WRN: variants seen among roughly 807,000 people sequenced by gnomAD.
The protein encoded by WRN is WRN RecQ like helicase.
Under a neutral mutation model 180.7 loss-of-function variants are expected in WRN, and 149 were observed. The observed-to-expected ratio is 0.82, with a 90% CI of 0.72 to 0.94. The LOEUF (loss-of-function observed/expected upper bound fraction) is 0.94, where lower values mean the gene tolerates loss of function less well. Ranked by LOEUF, WRN falls within the 40% of genes least tolerant of loss-of-function variation. WRN has a pLI of 0.00. For missense variants in WRN, 1,661 were observed against 1,700.1 expected, an observed-to-expected ratio of 0.98 and a Z score of 0.40; for synonymous variants, 548 against 568.9, an observed-to-expected ratio of 0.96 and a Z score of 0.52.
Position 31,111,692 on chromosome 8 carries a change from T to A in WRN, c.2166T>A (p.Asn722Lys). ...TTGTACGTTGCTTAAATCTGAGAAA[T>A]CCTCAGATCACCTGTACTGGTTTTG... Reference protein sequence around the residue: ...EDIVRCLNLRNPQITCTGFDR... With the variant: ...EDIVRCLNLRKPQITCTGFDR... The change falls in exon 19 of 35, where the codon AAT (asparagine) becomes AAA (lysine). Residue 722 changes from asparagine to lysine, a missense_variant. Asn to Lys is a moderately conservative substitution (Grantham distance 94, BLOSUM62 0). Coordinates refer to ENST00000298139, the MANE Select transcript of WRN (RefSeq NM_000553.6). 6.2e-7 allele frequency: 1 copy of A among 1,614,080 alleles called. No homozygotes were observed. Among genetic ancestry groups the A allele is most frequent in the Non-Finnish European group, 8.5e-7 (1 of 1,179,990 alleles).
intron 34 of WRN, among the ~76,000 whole-genome samples, chr8:31,170,482 C>T (rs1804061397): frequency 6.6e-6 from 1 of 152,126 alleles, no homozygotes; most frequent in Non-Finnish European, 1.5e-5. Context: ...AAATAGTTTT[C>T]ATGACAAATG....
chr8:31,121,393 A>G (rs867898079), intron 21 of WRN, among the ~76,000 whole-genome samples: 1 of 151,948 alleles, frequency 6.6e-6, no homozygotes, highest in African/African-American at 2.4e-5. Flanking sequence ...GAACTATGCT[A>G]TGTGTGGGAG....
At position 31,124,505 on chromosome 8, in the gene WRN, AT is replaced by A; in HGVS notation, c.2631-16del. On this transcript the variant is annotated splice_polypyrimidine_tract_variant and intron_variant, in intron 21 of 34. Coordinates refer to ENST00000298139, the MANE Select transcript of WRN (RefSeq NM_000553.6). Reference sequence around the variant, plus strand: ...CAATACAGTTTTACATATTCCTGTGATGTTTTTAATCGACAGGCACCTTCTT... The same window carrying A: ...CAATACAGTTTTACATATTCCTGTGAGTTTTTAATCGACAGGCACCTTCTT... 6.3e-7 allele frequency: 1 copy of A among 1,577,788 alleles called. No individual in the cohort carries two copies. Among genetic ancestry groups the A allele is most frequent in the South Asian group, 1.1e-5 (1 of 90,180 alleles).
At position 31,067,042 on chromosome 8, in the gene WRN, A is replaced by C. The variant is rs367991517; in HGVS notation, c.514A>C (p.Thr172Pro). The C allele has an allele frequency of 6.1e-5, 98 of 1,613,736 alleles. No homozygotes were observed. In the Middle Eastern group the frequency reaches 8.2e-4, roughly 14 times the overall value. ...TTTTCATCATTTCTAGCTGAAATGC[A>C]CAGAGACCTGGAGCCTTAACAGTCT... The part of the protein sequence containing the change: ...TDVANKKLKC[T>P]ETWSLNSLVK... The change falls in exon 6 of 35, where the codon ACA becomes CCA. Residue 172 changes from threonine (T) to proline (P), a missense_variant. Thr to Pro is a conservative substitution (Grantham distance 38, BLOSUM62 -1). Around this residue, in one of 3 missense-constraint regions of WRN, gnomAD observed 500 missense variants for 504.1 expected, o/e 0.99. Transcript: ENST00000298139.
chr8:31,102,208 C>T (rs993149021), intron 18 of WRN, among the ~76,000 whole-genome samples: 2 of 152,218 alleles, frequency 1.3e-5, no homozygotes, highest in African/African-American at 4.8e-5. Context: ...CTGTTCTTCC[C>T]ACCCCTGGCC....
chr8:31,096,135 A>G (rs1813966774), intron 16 of WRN, among the ~76,000 whole-genome samples: 1 of 152,236 alleles, frequency 6.6e-6, no homozygotes, highest in South Asian at 2.1e-4. Context: ...TCATAAAGGT[A>G]AAGGCATATC....
chr8:31,143,768 A>G, intron 28 of WRN, 145 bp downstream of exon 28: 1 of 593,046 alleles, frequency 1.7e-6, no homozygotes. Context: ...TAGAATGATC[A>G]AAGTGAGCTA....
intron 13 of WRN, among the ~76,000 whole-genome samples, chr8:31,089,608 A>G (rs906245594): frequency 2.6e-5 from 4 of 152,032 alleles, no homozygotes; most frequent in South Asian, 2.1e-4. Context: ...AAAAGTGCAC[A>G]TGTTGTAGAG....
At chr8:31,130,148 C>A (rs922199946) in intron 23 of WRN, among the ~76,000 whole-genome samples, 1 of 146,716 alleles carries the variant, frequency 6.8e-6, no homozygotes, top group Admixed American at 6.9e-5. Context: ...CATAACGAGA[C>A]CGCATCTCTA....
intron 15 of WRN, among the ~76,000 whole-genome samples, 153 bp from the exon 16 acceptor site, chr8:31,091,677 G>A (rs762153264): frequency 2.0e-5 from 3 of 152,018 alleles, no homozygotes. Flanking sequence ...GCCCTTGAAG[G>A]AATTTGCTTA....
intron 1 of WRN, among the ~76,000 whole-genome samples, chr8:31,047,769 C>T (rs549554129): frequency 3.9e-5 from 6 of 152,276 alleles, no homozygotes; most frequent in African/African-American, 7.2e-5. Context: ...TGCAATTTCC[C>T]GGTTTATAAT....
intron 19 of WRN, among the ~76,000 whole-genome samples, chr8:31,112,009 C>A (rs1801340028): frequency 6.6e-6 from 1 of 152,050 alleles, no homozygotes; most frequent in Non-Finnish European, 1.5e-5. Flanking sequence ...ACCAATTCTC[C>A]TAATATTTTA....
intron 23 of WRN, among the ~76,000 whole-genome samples, chr8:31,128,705 A>G (rs1169249005): frequency 1.3e-5 from 2 of 152,148 alleles, no homozygotes; most frequent in Non-Finnish European, 2.9e-5. Flanking sequence ...TAAAAATACA[A>G]AAAATTAGCC....
At chr8:31,037,994 A>G (rs1811513163) in intron 1 of WRN, among the ~76,000 whole-genome samples, 1 of 152,074 alleles carries the variant, frequency 6.6e-6, no homozygotes, top group Middle Eastern at 3.4e-3. Flanking sequence ...ATTTATTCAT[A>G]TGTTGATGGA....
intron 18 of WRN, among the ~76,000 whole-genome samples, chr8:31,104,313 G>T (rs1006056544): frequency 2.6e-5 from 4 of 152,156 alleles, no homozygotes; most frequent in Non-Finnish European, 5.9e-5. Flanking sequence ...CATGGCTAAT[G>T]ATGGTGAACG....
chr8:31,141,705 A>C lies in WRN; in HGVS notation c.3163A>C (p.Asn1055His), dbSNP rs770793076. 1.2e-6 allele frequency: 2 copies of C among 1,614,192 alleles called. No individual in the cohort carries two copies. The highest frequency in any genetic ancestry group is 1.7e-6 in the Non-Finnish European group (2 of 1,180,034). The change falls in exon 26 of 35, where the codon AAT becomes CAT. Residue 1055 changes from asparagine (N) to histidine (H), a missense_variant. By Grantham distance (68) the Asn-to-His change is moderately conservative. Around this residue, in one of 3 missense-constraint regions of WRN, gnomAD observed 1,141 missense variants for 1,149.4 expected, o/e 0.99. Transcript: ENST00000298139. ...KKGRNWLHKA[N>H]TESQSLILQA... ...GGGTAGAAATTGGCTTCATAAAGCT[A>C]ATACAGAATCTCAGAGCCTCATCCT...
intron 24 of WRN, among the ~76,000 whole-genome samples, chr8:31,140,022 T>G (rs1161727713): frequency 2.3e-5 from 3 of 128,106 alleles, no homozygotes; most frequent in Admixed American, 8.1e-5. Context: ...TTTTTTTTTT[T>G]TTTTTTTTTT....
chr8:31,106,188 A>G (rs898272221), intron 18 of WRN, among the ~76,000 whole-genome samples: 6 of 152,138 alleles, frequency 3.9e-5, no homozygotes, highest in Admixed American at 2.6e-4. Context: ...TCTTCAGAAT[A>G]TATGCAGAAT....
chr8:31,113,859 T>G (rs1017916654), intron 19 of WRN, among the ~76,000 whole-genome samples: 1 of 152,220 alleles, frequency 6.6e-6, no homozygotes, highest in Admixed American at 6.5e-5. Context: ...TGTTGCTTTC[T>G]ATGCAGTTTA....
Sources: gnomAD v4.1 joint callset for allele counts (sites outside exome capture counted in the v4.1 genomes callset) on GRCh38, gnomAD v4.1.1 for gene constraint, gnomAD v4.1.1 regional missense constraint, MANE v1.5 for transcripts, NCBI Gene and HGNC (gene_info 2026-07-23, HGNC 2026-07-21) for gene names.